Variants in CNBD1 observed in about 807,000 individuals in gnomAD.
The protein encoded by CNBD1 is cyclic nucleotide binding domain containing 1.
In CNBD1, 71 loss-of-function variants were observed where a neutral mutation model predicts 54.4. The observed-to-expected ratio is 1.30, with a 90% CI of 1.08 to 1.59. CNBD1 has a LOEUF of 1.59. Among genes scored for constraint, CNBD1 ranks in the 40% most tolerant of loss-of-function variants. CNBD1 has a pLI of 0.00. For synonymous variants in CNBD1, 182 were observed against 170.7 expected (o/e 1.07, Z -0.51); for missense variants, 659 against 518.0 (o/e 1.27, Z -2.64).
chr8:87,290,806 C>A (rs921260707), intron 8 of CNBD1, among the ~76,000 whole-genome samples: 1 of 152,100 alleles, frequency 6.6e-6, no homozygotes, highest in African/African-American at 2.4e-5. Context: ...CTTCTGGCTT[C>A]TATTGTTTCT....
intron 2 of CNBD1, among the ~76,000 whole-genome samples, chr8:86,903,560 T>C (rs1808970945): frequency 6.6e-6 from 1 of 152,092 alleles, no homozygotes; most frequent in African/African-American, 2.4e-5. Flanking sequence ...TTTTATTAAA[T>C]GGGGGACAGA....
At chr8:87,225,260 G>A (rs1228490451) in intron 5 of CNBD1, among the ~76,000 whole-genome samples, 4 of 146,258 alleles carry the variant, frequency 2.7e-5, no homozygotes, top group Non-Finnish European at 6.0e-5. Context: ...AATTGCCCTG[G>A]CCAGAACTTC....
chr8:87,354,636 T>G, intron 10 of CNBD1, among the ~76,000 whole-genome samples: 1 of 150,012 alleles, frequency 6.7e-6, no homozygotes, highest in Non-Finnish European at 1.5e-5. Context: ...AATTCCCACC[T>G]ATGAGTGAGA....
intron 4 of CNBD1, among the ~76,000 whole-genome samples, chr8:87,059,927 C>T (rs1311394835): frequency 1.3e-5 from 2 of 152,138 alleles, no homozygotes; most frequent in Non-Finnish European, 2.9e-5. Flanking sequence ...AGTTTGGCAG[C>T]CTGTGCTAAC....
At chr8:87,025,822 TCAC>T in intron 4 of CNBD1, among the ~76,000 whole-genome samples, 1 of 152,074 alleles carries the variant, frequency 6.6e-6, no homozygotes, top group Non-Finnish European at 1.5e-5. Context: ...ACTGTAATAC[TCAC>T]CACGACTGTC....
In CNBD1 at chr8:87,178,902, C is replaced by A. The variant is rs368289750; in HGVS notation, c.432-27091C>A. Among the ~76,000 whole-genome samples the A allele has an allele frequency of 2.0e-5, 3 of 151,906 alleles. 1 individual carries two copies. In the South Asian group the frequency reaches 6.2e-4, roughly 31 times the overall value. On this transcript the variant is annotated intron_variant, in intron 4 of 10. Coordinates refer to ENST00000518476, the MANE Select transcript of CNBD1 (RefSeq NM_173538.3). ...TAACTGAATCCCTGAATAGCTTTTGCTTGTTTGTTTGTTTGTTTGTTTGAG... is the reference window on the plus strand; with the variant it reads ...TAACTGAATCCCTGAATAGCTTTTGATTGTTTGTTTGTTTGTTTGTTTGAG...
chr8:87,267,563 A>G (rs1388470935), intron 6 of CNBD1, among the ~76,000 whole-genome samples: 1 of 152,172 alleles, frequency 6.6e-6, no homozygotes, highest in African/African-American at 2.4e-5. Flanking sequence ...ATATCAAATG[A>G]GGTAACATGT....
intron 4 of CNBD1, among the ~76,000 whole-genome samples, chr8:86,943,156 G>A (rs1807376778): frequency 6.6e-6 from 1 of 151,894 alleles, no homozygotes; most frequent in African/African-American, 2.4e-5. Flanking sequence ...GCCAAGGAGT[G>A]TGGATCATGA....
At chr8:87,162,200 G>A (rs777674126) in intron 4 of CNBD1, among the ~76,000 whole-genome samples, 1 of 151,864 alleles carries the variant, frequency 6.6e-6, no homozygotes, top group Non-Finnish European at 1.5e-5. Context: ...GAGCATAGAA[G>A]AATTTTTCTA....
intron 10 of CNBD1, among the ~76,000 whole-genome samples, chr8:87,375,309 TGC>T (rs1193826221): frequency 6.6e-6 from 1 of 151,856 alleles, no homozygotes; most frequent in African/African-American, 2.4e-5. Flanking sequence ...GTAAGCTGTG[TGC>T]TGTCTGTTAA....
At chr8:86,949,065 T>A (rs1044616653) in intron 4 of CNBD1, among the ~76,000 whole-genome samples, 1 of 152,172 alleles carries the variant, frequency 6.6e-6, no homozygotes, top group Non-Finnish European at 1.5e-5. Flanking sequence ...ACTGTATATA[T>A]ATGGATTTAT....
At chr8:87,158,007 T>A (rs934755554) in intron 4 of CNBD1, among the ~76,000 whole-genome samples, 1 of 152,140 alleles carries the variant, frequency 6.6e-6, no homozygotes, top group Non-Finnish European at 1.5e-5. Flanking sequence ...GTTACTATAC[T>A]ACTGATTCTT....
intron 2 of CNBD1, among the ~76,000 whole-genome samples, chr8:86,901,203 A>G (rs1275817656): frequency 1.3e-5 from 2 of 152,292 alleles, no homozygotes; most frequent in East Asian, 3.9e-4. Flanking sequence ...TGCATATTGT[A>G]TATATAAAAT....
At chr8:87,146,124 C>T (rs190609798) in intron 4 of CNBD1, among the ~76,000 whole-genome samples, 2 of 152,130 alleles carry the variant, frequency 1.3e-5, no homozygotes, top group East Asian at 1.9e-4. Context: ...CTTAATAGTG[C>T]CCAGTGTCCT....
chr8:87,333,440 C>T (rs1443947677), intron 8 of CNBD1, among the ~76,000 whole-genome samples: 1 of 152,142 alleles, frequency 6.6e-6, no homozygotes, highest in Non-Finnish European at 1.5e-5. Context: ...AGAGGGCATC[C>T]CTGTCTTGTG....
intron 4 of CNBD1, among the ~76,000 whole-genome samples, chr8:87,054,050 C>CA (rs1261685931): frequency 6.6e-6 from 1 of 152,198 alleles, no homozygotes; most frequent in African/African-American, 2.4e-5. Flanking sequence ...ACCACACTGT[C>CA]AAAGACATAG....
chr8:87,024,263 A>AAAT (rs1809573748), intron 4 of CNBD1, among the ~76,000 whole-genome samples: 1 of 150,194 alleles, frequency 6.7e-6, no homozygotes, highest in South Asian at 2.1e-4. Context: ...AAAAAAAAAA[A>AAAT]AGCTATCCAG....
chr8:87,072,611 A>G (rs1158990122), intron 4 of CNBD1, among the ~76,000 whole-genome samples: 2 of 152,068 alleles, frequency 1.3e-5, no homozygotes. Context: ...AAATTCTTTC[A>G]TTTAAGAATG....
chr8:87,426,315 G>A (rs1300731570), intron 2 of CNBD1, among the ~76,000 whole-genome samples: 2 of 152,186 alleles, frequency 1.3e-5, no homozygotes, highest in South Asian at 2.1e-4. Flanking sequence ...GACCGGAGCT[G>A]TTCCTATTCG....
Sources: allele counts gnomAD v4.1 joint callset (sites outside exome capture counted in the v4.1 genomes callset), GRCh38; gene constraint gnomAD v4.1.1; transcripts MANE v1.5; gene names NCBI Gene and HGNC (gene_info 2026-07-23, HGNC 2026-07-21).